NELL1: variants seen among roughly 807,000 people sequenced by gnomAD.
NELL1 encodes neural EGFL like 1.
A neutral mutation model predicts 107.4 loss-of-function variants in NELL1; 76 were observed. That is an observed-to-expected ratio of 0.71 (90% CI 0.59 to 0.86). The LOEUF is 0.86. Among genes scored for constraint, NELL1 ranks in the 40% least tolerant of loss-of-function variants. NELL1 has a pLI of 0.00. For synonymous variants in NELL1, 353 were observed against 341.2 expected, an observed-to-expected ratio of 1.03 and a Z score of -0.38; for missense variants, 1,024 against 1,005.5, an observed-to-expected ratio of 1.02 and a Z score of -0.25.
At chr11:20,678,184 G>A (rs550394591) in intron 2 of NELL1, 124 bp downstream of exon 2, 1 of 1,103,404 alleles carries the variant, frequency 9.1e-7, no homozygotes, top group Admixed American at 1.8e-5. Flanking sequence ...TTGCTGTCTT[G>A]AGTGTTTAGA....
chr11:21,156,273 A>G (rs1856231553), intron 13 of NELL1, among the ~76,000 whole-genome samples: 1 of 152,170 alleles, frequency 6.6e-6, no homozygotes, highest in Admixed American at 6.5e-5. Flanking sequence ...GGAATTGGAA[A>G]TCATACGTTT....
chr11:20,974,804 G>A (rs1306129330), intron 12 of NELL1, among the ~76,000 whole-genome samples: 1 of 152,076 alleles, frequency 6.6e-6, no homozygotes, highest in Non-Finnish European at 1.5e-5. Context: ...GACAGTCAAA[G>A]GGAATCTGCT....
chr11:20,689,084 G>C (rs1168921922), intron 2 of NELL1, among the ~76,000 whole-genome samples: 1 of 151,952 alleles, frequency 6.6e-6, no homozygotes, highest in Non-Finnish European at 1.5e-5. Context: ...CTTTTGAAAA[G>C]TGTTTGTTCA....
At chr11:20,739,273 A>T (rs1419865776) in intron 2 of NELL1, among the ~76,000 whole-genome samples, 2 of 152,224 alleles carry the variant, frequency 1.3e-5, no homozygotes, top group Non-Finnish European at 2.9e-5. Flanking sequence ...TTGTCCAGTG[A>T]GGCCTGCAGA....
At chr11:21,239,943 T>A (rs1565125971) in intron 14 of NELL1, among the ~76,000 whole-genome samples, 1 of 152,010 alleles carries the variant, frequency 6.6e-6, no homozygotes, top group Non-Finnish European at 1.5e-5. Context: ...GGATCACATA[T>A]GAGTGTGGGA....
chr11:21,138,540 C>T (rs1258464992), intron 13 of NELL1, among the ~76,000 whole-genome samples: 2 of 152,136 alleles, frequency 1.3e-5, no homozygotes, highest in African/African-American at 4.8e-5. Flanking sequence ...CTCCTGAAAA[C>T]AAAGTCTGCC....
chr11:21,312,775 G>A (rs1346656303), intron 14 of NELL1, among the ~76,000 whole-genome samples: 1 of 152,110 alleles, frequency 6.6e-6, no homozygotes, highest in East Asian at 1.9e-4. Flanking sequence ...GACAGGAATG[G>A]ATAAAAAACA....
chr11:21,575,288 TGTTTCCCTTATCA>T lies in NELL1; in HGVS notation c.*268_*280del, dbSNP rs1591050091. Reference sequence around the variant, plus strand: ...AAGAAGTTTCCCGTGTTGTAAATCATGTTTCCCTTATCAGATCATTTGCAAATACATTTAAATG... The same window carrying T: ...AAGAAGTTTCCCGTGTTGTAAATCATGATCATTTGCAAATACATTTAAATG... On this transcript the variant is annotated 3_prime_UTR_variant, in exon 20 of 20. Coordinates refer to ENST00000357134, the MANE Select transcript of NELL1 (RefSeq NM_006157.5). 4 of 415,234 alleles carry T rather than the reference TGTTTCCCTTATCA, an allele frequency of 9.6e-6. No homozygotes were observed. The East Asian group carries it at 1.5e-4, about 16-fold the overall frequency. The allele number at this position is 415,234 out of a possible 1,614,324, so 25.7% of individuals were successfully genotyped here.
At chr11:20,872,018 C>CAAAAAA (rs1160968611) in intron 4 of NELL1, among the ~76,000 whole-genome samples, 26 of 41,618 alleles carry the variant, frequency 6.2e-4, no homozygotes, top group South Asian at 3.8e-3. Context: ...GACTCCGTCT[C>CAAAAAA]AAAAAAAAAA....
intron 10 of NELL1, 61 bp downstream of exon 10, chr11:20,937,920 T>C (rs1247693366): frequency 9.2e-6 from 14 of 1,522,298 alleles, no homozygotes; most frequent in Non-Finnish European, 1.3e-5. Context: ...ATGTGTGGGC[T>C]TTAGATGAGG....
At chr11:20,795,421 C>G (rs898401375) in intron 3 of NELL1, among the ~76,000 whole-genome samples, 2 of 152,142 alleles carry the variant, frequency 1.3e-5, no homozygotes, top group African/African-American at 4.8e-5. Flanking sequence ...TTTACAGTAG[C>G]AATAGAGTGC....
chr11:21,554,551 A>G (rs1436683787), intron 16 of NELL1, among the ~76,000 whole-genome samples: 5 of 151,840 alleles, frequency 3.3e-5, no homozygotes, highest in African/African-American at 1.2e-4. Flanking sequence ...ATCTGTCCTG[A>G]AGAGATGGGA....
chr11:21,194,447 AC>A (rs35137098), intron 13 of NELL1, among the ~76,000 whole-genome samples: 9,533 of 151,244 alleles, frequency 0.063, 284 homozygotes, highest in East Asian at 0.14. Flanking sequence ...ATATGTCTGG[AC>A]CCCCCCATAG....
rs1565121202 is a variant in NELL1, at chr11:21,229,399, G to A, written c.1494G>A (p.Gln498=). The A allele has an allele frequency of 2.5e-6, 4 of 1,613,912 alleles. No individual in the cohort carries two copies. Among genetic ancestry groups the A allele is most frequent in the Non-Finnish European group, 3.4e-6 (4 of 1,179,944 alleles). ...ATGCCATCTGCACCAACACTGTCCA[G>A]GGACACAGCTGCACCTGCAAACCGG... is the stretch of plus-strand genomic sequence containing the variant. ...DENAICTNTV[Q]GHSCTCKPGY... The change falls in exon 14 of 20, where the codon CAG becomes CAA. Residue 498 remains glutamine (Q), a synonymous_variant. Coordinates refer to ENST00000357134, the MANE Select transcript of NELL1 (RefSeq NM_006157.5).
chr11:20,786,362 G>GA (rs1214651370), intron 3 of NELL1, among the ~76,000 whole-genome samples: 6 of 120,774 alleles, frequency 5.0e-5, no homozygotes, highest in African/African-American at 1.7e-4. Context: ...AAAAAAAAAA[G>GA]AAAAAAAAAG....
chr11:21,294,646 A>G (rs753468114), intron 14 of NELL1, among the ~76,000 whole-genome samples: 25 of 152,012 alleles, frequency 1.6e-4, no homozygotes, highest in Non-Finnish European at 3.2e-4. Context: ...TCCTGATTTT[A>G]TGGTTGAGAA....
intron 15 of NELL1, among the ~76,000 whole-genome samples, chr11:21,463,749 C>T (rs922766028): frequency 1.3e-5 from 2 of 152,086 alleles, no homozygotes; most frequent in Non-Finnish European, 2.9e-5. Context: ...CCTAGAATTA[C>T]GTTCACAGCT....
chr11:21,156,712 T>TA (rs141605545), intron 13 of NELL1, among the ~76,000 whole-genome samples: 6,237 of 152,194 alleles, frequency 0.041, 177 homozygotes, highest in South Asian at 0.082. Context: ...GAAAGTACAT[T>TA]AGTCAGCAGG....
intron 4 of NELL1, among the ~76,000 whole-genome samples, chr11:20,856,948 C>T (rs1201987478): frequency 6.6e-6 from 1 of 152,112 alleles, no homozygotes; most frequent in African/African-American, 2.4e-5. Context: ...GTGCTTTGGT[C>T]AAGAATAGGC....
Sources: allele counts gnomAD v4.1 joint callset (sites outside exome capture counted in the v4.1 genomes callset), GRCh38; gene constraint gnomAD v4.1.1; transcripts MANE v1.5; gene names NCBI Gene and HGNC (gene_info 2026-07-23, HGNC 2026-07-21).